The following GRIP1 variants were observed in gnomAD, a reference collection of about 807,000 sequenced individuals.
GRIP1 encodes the protein glutamate receptor-interacting protein 1.
Under a neutral mutation model 129.9 loss-of-function variants are expected in GRIP1, and 45 were observed. That is an observed-to-expected ratio of 0.35 (90% confidence interval 0.27 to 0.44). GRIP1 has a LOEUF of 0.44. GRIP1 is among the 20% of genes least tolerant of loss of function. The pLI, the probability that GRIP1 is intolerant of heterozygous loss-of-function variation, is 1.00. For missense variants in GRIP1, 1,196 were observed against 1,396.8 expected (o/e 0.86, Z 2.29); for synonymous variants, 530 against 520.8 (o/e 1.02, Z -0.24).
intron 2 of GRIP1, among the ~76,000 whole-genome samples, chr12:66,580,372 ACAT>A (rs1242292711): frequency 4.7e-5 from 7 of 150,454 alleles, no homozygotes; most frequent in Non-Finnish European, 7.4e-5. Context: ...TCACCAGCTA[ACAT>A]CATCATGACA....
At chr12:66,532,678 C>T (rs1030419141) in intron 4 of GRIP1, among the ~76,000 whole-genome samples, 1 of 152,122 alleles carries the variant, frequency 6.6e-6, no homozygotes. Flanking sequence ...ACAAGAAGAG[C>T]GTCCTCCAGG....
At chr12:66,913,247 T>C (rs1471182534) in intron 1 of GRIP1, among the ~76,000 whole-genome samples, 7 of 152,274 alleles carry the variant, frequency 4.6e-5, no homozygotes, top group East Asian at 1.9e-4. Flanking sequence ...TCACAAGCAA[T>C]GTGGACCTCC....
chr12:66,760,131 G>A (rs950864596), intron 1 of GRIP1, among the ~76,000 whole-genome samples: 1 of 152,138 alleles, frequency 6.6e-6, no homozygotes, highest in Non-Finnish European at 1.5e-5. Context: ...TGGGATTACA[G>A]GTGTGAGCCA....
At chr12:66,789,039 A>G (rs1245220843) in intron 1 of GRIP1, among the ~76,000 whole-genome samples, 1 of 152,054 alleles carries the variant, frequency 6.6e-6, no homozygotes, top group Non-Finnish European at 1.5e-5. Context: ...TTCCAAGACA[A>G]CTCTCAATTA....
chr12:66,999,823 G>A (rs1374693214), intron 1 of GRIP1, among the ~76,000 whole-genome samples: 2 of 152,102 alleles, frequency 1.3e-5, no homozygotes, highest in Admixed American at 1.3e-4. Flanking sequence ...CTTGGTCATA[G>A]TGTGAGATAT....
chr12:66,988,760 T>C (rs1052570385), intron 1 of GRIP1, among the ~76,000 whole-genome samples: 3 of 152,198 alleles, frequency 2.0e-5, no homozygotes, highest in African/African-American at 4.8e-5. Flanking sequence ...AATTCTGATA[T>C]ATAATATGGT....
At chr12:66,581,262 G>A (rs2063366913) in intron 2 of GRIP1, among the ~76,000 whole-genome samples, 1 of 151,976 alleles carries the variant, frequency 6.6e-6, no homozygotes, top group South Asian at 2.1e-4. Flanking sequence ...GCAGCGTGTA[G>A]AGGGAAATTG....
chr12:66,538,991 T>A, intron 4 of GRIP1, 87 bp downstream of exon 4: 1 of 1,090,802 alleles, frequency 9.2e-7, no homozygotes, highest in Admixed American at 1.7e-5. Context: ...CTGATATATA[T>A]AGGGTTTGGT....
intron 24 of GRIP1, among the ~76,000 whole-genome samples, chr12:66,351,705 C>A (rs1214203216): frequency 2.0e-5 from 3 of 151,918 alleles, no homozygotes; most frequent in Non-Finnish European, 4.4e-5. Context: ...AGGAGGGGCC[C>A]CTAGTCCAGA....
At chr12:66,990,058 T>C (rs2042371314) in intron 1 of GRIP1, among the ~76,000 whole-genome samples, 1 of 152,182 alleles carries the variant, frequency 6.6e-6, no homozygotes, top group African/African-American at 2.4e-5. Flanking sequence ...AGCAACATAT[T>C]AGATATAATT....
At chr12:66,616,245 C>G (rs1271183169) in intron 1 of GRIP1, among the ~76,000 whole-genome samples, 2 of 151,866 alleles carry the variant, frequency 1.3e-5, no homozygotes, top group Non-Finnish European at 2.9e-5. Context: ...TTTTGGGATT[C>G]TTGGTATTCT....
chr12:66,441,833 C>T (rs1016127646), intron 13 of GRIP1, among the ~76,000 whole-genome samples: 1 of 152,158 alleles, frequency 6.6e-6, no homozygotes, highest in African/African-American at 2.4e-5. Context: ...GTCTTCTCAG[C>T]TAAAGACATC....
intron 4 of GRIP1, among the ~76,000 whole-genome samples, chr12:66,537,577 GA>G (rs2061643991): frequency 1.3e-5 from 2 of 151,108 alleles, no homozygotes; most frequent in African/African-American, 4.9e-5. Context: ...AATTAAAAAA[GA>G]AATTAATGTA....
intron 1 of GRIP1, among the ~76,000 whole-genome samples, chr12:66,612,298 C>CTAT (rs2064835458): frequency 6.6e-6 from 1 of 152,142 alleles, no homozygotes; most frequent in Admixed American, 6.6e-5. Context: ...TGCTCCTAGG[C>CTAT]TATAAACCTA....
rs781120236 is a variant in GRIP1 at position 66,406,314 on chromosome 12, C to A, written c.1953G>T (p.Lys651Asn). ...TATCTTCATCTTTGCGGATTTTGAGCTTCACCAGGTCTTCACATTGCTGGA... is the reference window on the plus strand; with the variant it reads ...TATCTTCATCTTTGCGGATTTTGAGATTCACCAGGTCTTCACATTGCTGGA... ...QILQQCEDLV[K>N]LKIRKDEDNS... Residue 651 changes from lysine (K) to asparagine (N), a missense_variant, in exon 16 of 25, where the codon AAG becomes AAT. Around this residue, in one of 5 missense-constraint regions of GRIP1, gnomAD observed 508 missense variants for 587.0 expected, o/e 0.87. Coordinates refer to ENST00000359742, the MANE Select transcript of GRIP1 (RefSeq NM_001366722.1). 7.4e-6 allele frequency: 12 copies of A among 1,614,022 alleles called. No individual in the cohort carries two copies. Among genetic ancestry groups the A allele is most frequent in the Middle Eastern group, 1.6e-4 (1 of 6,084 alleles).
intron 19 of GRIP1, among the ~76,000 whole-genome samples, chr12:66,388,860 T>C (rs1346156150): frequency 6.6e-6 from 1 of 152,240 alleles, no homozygotes; most frequent in Non-Finnish European, 1.5e-5. Flanking sequence ...GCAGAGACCA[T>C]GTCTCCTTTG....
At chr12:66,687,874 T>C (rs912642325) in intron 1 of GRIP1, among the ~76,000 whole-genome samples, 1 of 152,108 alleles carries the variant, frequency 6.6e-6, no homozygotes, top group Non-Finnish European at 1.5e-5. Context: ...GGTCCAGAAA[T>C]AGGCAGTCAC....
intron 1 of GRIP1, among the ~76,000 whole-genome samples, chr12:66,605,051 T>TTA (rs571923160): frequency 0.044 from 6,214 of 140,230 alleles, 250 homozygotes; most frequent in African/African-American, 0.11. Context: ...CAGAAGTCAC[T>TTA]TATATATATA....
intron 1 of GRIP1, among the ~76,000 whole-genome samples, chr12:66,981,413 C>T (rs2042241311): frequency 6.6e-6 from 1 of 152,154 alleles, no homozygotes; most frequent in Admixed American, 6.5e-5. Flanking sequence ...AAAGCAAGTG[C>T]TCAAAATATA....
Sources: gnomAD v4.1 joint callset for allele counts (sites outside exome capture counted in the v4.1 genomes callset) on GRCh38, gnomAD v4.1.1 for gene constraint, gnomAD v4.1.1 regional missense constraint, MANE v1.5 for transcripts, NCBI Gene and HGNC (gene_info 2026-07-23, HGNC 2026-07-21) for gene names.